The following PRR14L variants were observed in gnomAD, a reference collection of about 807,000 sequenced individuals.
PRR14L encodes proline rich 14 like.
In PRR14L, 80 loss-of-function variants were observed where a neutral mutation model predicts 155.0. The observed-to-expected ratio is 0.52, with a 90% CI of 0.43 to 0.62. The LOEUF is 0.62. Among genes scored for constraint, PRR14L ranks in the 20% least tolerant of loss-of-function variants. The pLI is 0.00. For missense variants in PRR14L, 2,469 were observed against 2,548.0 expected (o/e 0.97, Z 0.67); for synonymous variants, 883 against 916.0 (o/e 0.96, Z 0.65).
chr22:31,737,650 A>T (rs1264581533), intron 2 of PRR14L, among the ~76,000 whole-genome samples: 4 of 151,816 alleles, frequency 2.6e-5, no homozygotes, highest in Admixed American at 2.0e-4. Flanking sequence ...AAGAAAAAAG[A>T]ATTTGAGACC....
intron 6 of PRR14L, among the ~76,000 whole-genome samples, chr22:31,703,204 G>A (rs2074571982): frequency 6.6e-6 from 1 of 152,198 alleles, no homozygotes; most frequent in South Asian, 2.1e-4. Flanking sequence ...CAACATGAAA[G>A]TTTGCAACTG....
intron 2 of PRR14L, among the ~76,000 whole-genome samples, chr22:31,735,950 G>T (rs535261473): frequency 6.6e-6 from 1 of 151,888 alleles, no homozygotes; most frequent in East Asian, 1.9e-4. Flanking sequence ...CTACTCAGGA[G>T]GCTGAGGCAG....
rs184981154 is a variant in PRR14L at position 31,694,815 on chromosome 22, G to A, written c.6108-6588C>T. Among the ~76,000 whole-genome samples, 1,226 of 150,078 alleles carry A rather than the reference G, an allele frequency of 8.2e-3. 3 individuals carry two copies. Among genetic ancestry groups the A allele is most frequent in the Non-Finnish European group, 0.012 (816 of 67,646 alleles). Reference sequence around the variant, plus strand: ...AAGAATACAAAATTAGGCCAGGTGCGGTGGCTCACGCCTATAATCCCAGCA... The same window carrying A: ...AAGAATACAAAATTAGGCCAGGTGCAGTGGCTCACGCCTATAATCCCAGCA... On this transcript the variant is annotated intron_variant, in intron 7 of 8. Coordinates refer to ENST00000327423, the MANE Select transcript of PRR14L (RefSeq NM_173566.3).
At chr22:31,689,280 C>T (rs772775330) in intron 7 of PRR14L, among the ~76,000 whole-genome samples, 2 of 151,986 alleles carry the variant, frequency 1.3e-5, no homozygotes, top group Non-Finnish European at 2.9e-5. Flanking sequence ...CCCAAGAGTT[C>T]GAGACCAGCC....
intron 1 of PRR14L, among the ~76,000 whole-genome samples, chr22:31,740,868 G>A (rs1473561509): frequency 2.0e-5 from 3 of 152,142 alleles, no homozygotes; most frequent in Non-Finnish European, 2.9e-5. Context: ...TAGGCTGGGC[G>A]CAGTGGCTCA....
At chr22:31,723,003 G>T (rs1569499630) in intron 3 of PRR14L, among the ~76,000 whole-genome samples, 1 of 152,090 alleles carries the variant, frequency 6.6e-6, no homozygotes, top group Admixed American at 6.6e-5. Context: ...ATCTTCACAG[G>T]CCTGTCTCCA....
At chr22:31,701,573 T>C in intron 7 of PRR14L, 83 bp downstream of exon 7, 1 of 751,672 alleles carries the variant, frequency 1.3e-6, no homozygotes, top group South Asian at 1.7e-5. Context: ...GCTCAGAGTG[T>C]AGGACCATTT....
Position 31,716,907 on chromosome 22 carries a change from T to C in PRR14L, c.932A>G (p.Asn311Ser). Residue 311 changes from asparagine (N) to serine (S), a missense_variant, in exon 4 of 9, where the codon AAT becomes AGT. By Grantham distance (46) the Asn-to-Ser change is conservative. Around this residue, in one of 2 missense-constraint regions of PRR14L, gnomAD observed 2,363 missense variants for 2,371.6 expected, o/e 1.00. Transcript: ENST00000327423. ...KPNLVCEADDNHQQLHGHHNE... is the reference protein window; with the variant it reads ...KPNLVCEADDSHQQLHGHHNE... ...ATGGTGGCCATGAAGCTGTTGGTGATTGTCATCTGCTTCACAGACCAGGTT... is the reference window on the plus strand; with the variant it reads ...ATGGTGGCCATGAAGCTGTTGGTGACTGTCATCTGCTTCACAGACCAGGTT... 2.6e-6 allele frequency: 4 copies of C among 1,552,086 alleles called. No individual in the cohort carries two copies. The highest frequency in any genetic ancestry group is 1.2e-5 in the South Asian group (1 of 84,062).
rs11443259 is a variant in PRR14L at position 31,735,642 on chromosome 22, GA to G, written c.474+2744del. 2.2e-3 allele frequency among the ~76,000 whole-genome samples: 287 copies of G among 130,360 alleles called. 1 individual carries two copies. Among genetic ancestry groups the G allele is most frequent in the South Asian group, 0.018 (75 of 4,078 alleles). The allele number at this position is 130,360 out of a possible 152,430, so 85.5% of individuals were successfully genotyped here. A position where few individuals can be genotyped will look rare whatever the true frequency, so the allele number is the denominator to read the frequency against. ...CCTGAAGTGGCAGGTCCCTAAATTG[GA>G]AAAAAAAAAAAAAAGAAACTTTTCT... On this transcript the variant is annotated intron_variant, in intron 2 of 8. Transcript: ENST00000327423.
intron 1 of PRR14L, among the ~76,000 whole-genome samples, chr22:31,748,948 T>A (rs1825640811): frequency 6.6e-6 from 1 of 151,748 alleles, no homozygotes; most frequent in Admixed American, 6.6e-5. Context: ...TGGGAGGGAG[T>A]CTTCCACTCC....
In PRR14L at chr22:31,716,267, T is replaced by G. The variant is rs1004697673; in HGVS notation, c.1572A>C (p.Thr524=). The change falls in exon 4 of 9, where the codon ACA becomes ACC. Residue 524 remains threonine, a synonymous_variant. Coordinates refer to ENST00000327423, the MANE Select transcript of PRR14L (RefSeq NM_173566.3). ...TTAATATATTGGGCTCTACAGGGGT[T>G]GTCTGTCCTGCCTCTTCAATCTGCA... is the stretch of plus-strand genomic sequence containing the variant. ...SLMQIEEAGQ[T]TPVEPNILSK... The G allele has an allele frequency of 1.2e-5, 18 of 1,551,544 alleles. No homozygotes were observed. In the African/African-American group the frequency reaches 2.2e-4, roughly 19 times the overall value.
chr22:31,734,005 A>G lies in PRR14L; in HGVS notation c.474+4382T>C, dbSNP rs184042794. On this transcript the variant is annotated intron_variant, in intron 2 of 8. Coordinates refer to ENST00000327423, the MANE Select transcript of PRR14L (RefSeq NM_173566.3). ...TTTTCTTTTTTTGAAAGGGAGTCTC[A>G]CTCTGTCGCCAGGCTGGAGTGCAGT... Among the ~76,000 whole-genome samples the G allele has an allele frequency of 2.6e-3, 394 of 151,600 alleles. 2 individuals are homozygous for G. The highest frequency in any genetic ancestry group is 8.2e-3 in the African/African-American group (338 of 41,326).
chr22:31,725,474 A>G, intron 3 of PRR14L, 64 bp downstream of exon 3: 4 of 1,073,264 alleles, frequency 3.7e-6, no homozygotes, highest in Non-Finnish European at 5.6e-6. Flanking sequence ...TGCAAAATGG[A>G]AGCGGAACTA....
intron 3 of PRR14L, among the ~76,000 whole-genome samples, chr22:31,717,687 AC>A (rs1225498025): frequency 6.6e-6 from 1 of 152,246 alleles, no homozygotes; most frequent in African/African-American, 2.4e-5. Flanking sequence ...TGTTCTCAGT[AC>A]TTGAAATTAG....
At position 31,725,464 on chromosome 22, in the gene PRR14L, T is replaced by C; in HGVS notation, c.547+74A>G. The C allele has an allele frequency of 1.0e-5, 10 of 996,340 alleles. No homozygotes were observed. In the South Asian group the frequency reaches 1.4e-4, roughly 14 times the overall value. 61.7% of individuals were successfully genotyped at this position (996,340 alleles called of 1,614,324 possible). On this transcript the variant is annotated intron_variant, in intron 3 of 8. Coordinates refer to ENST00000327423, the MANE Select transcript of PRR14L (RefSeq NM_173566.3). ...GGACTTACAACCCTTATATTCTCAA[T>C]GCAAAATGGAAGCGGAACTAAAACA... is the stretch of plus-strand genomic sequence containing the variant.
Position 31,713,653 on chromosome 22 carries a change from C to T in PRR14L, c.4186G>A (p.Asp1396Asn). ...AEKQQSPEVL[D>N]YMLQKEEKYI... ...TTCTCTTCTTTCTGCAACATGTAGTCCAAAACCTCAGGGCTCTGCTGTTTT... is the reference window on the plus strand; with the variant it reads ...TTCTCTTCTTTCTGCAACATGTAGTTCAAAACCTCAGGGCTCTGCTGTTTT... Residue 1396 changes from aspartate to asparagine, a missense_variant, in exon 4 of 9, where the codon GAC becomes AAC. Asp to Asn is a conservative substitution (Grantham distance 23, BLOSUM62 1). Around this residue, in one of 2 missense-constraint regions of PRR14L, gnomAD observed 2,363 missense variants for 2,371.6 expected, o/e 1.00. Coordinates refer to ENST00000327423, the MANE Select transcript of PRR14L (RefSeq NM_173566.3). 1 of 1,551,980 alleles carries T rather than the reference C, an allele frequency of 6.4e-7. No individual in the cohort carries two copies. The highest frequency in any genetic ancestry group is 8.7e-7 in the Non-Finnish European group (1 of 1,147,050).
rs781089223 is a variant in PRR14L, at chr22:31,685,542, T to C, written c.6441A>G (p.Gln2147=). The stretch of plus-strand genomic sequence containing the variant: ...GAATCGCTTCTCAACAGCCTGATGA[T>C]TGTTCCTGCTCCTCTTCCTTGGCAA... The part of the protein sequence containing the change: ...TFFAKEEEQE[Q]SSGC The change falls in exon 9 of 9, where the codon CAA becomes CAG. Residue 2147 remains glutamine, a synonymous_variant. Coordinates refer to ENST00000327423, the MANE Select transcript of PRR14L (RefSeq NM_173566.3). 2 of 1,550,236 alleles carry C rather than the reference T, an allele frequency of 1.3e-6. No individual in the cohort carries two copies. Among genetic ancestry groups the C allele is most frequent in the South Asian group, 1.2e-5 (1 of 84,030 alleles).
At chr22:31,687,080 C>A (rs541354536) in intron 8 of PRR14L, among the ~76,000 whole-genome samples, 53 of 152,264 alleles carry the variant, frequency 3.5e-4, no homozygotes, top group Non-Finnish European at 7.1e-4. Context: ...TCTTGTTGCC[C>A]AGGCTGGAGT....
intron 1 of PRR14L, among the ~76,000 whole-genome samples, chr22:31,739,775 A>G (rs114717965): frequency 0.015 from 2,266 of 152,284 alleles, 58 homozygotes; most frequent in African/African-American, 0.053. Context: ...CAGTGAATGG[A>G]AGTAACAGGT....
Sources: allele counts gnomAD v4.1 joint callset (sites outside exome capture counted in the v4.1 genomes callset), GRCh38; gene constraint gnomAD v4.1.1; regional missense constraint gnomAD v4.1.1; transcripts MANE v1.5; gene names NCBI Gene and HGNC (gene_info 2026-07-23, HGNC 2026-07-21).